The following PRKG1 variants were observed in gnomAD, a reference collection of about 807,000 sequenced individuals.
PRKG1 encodes protein kinase cGMP-dependent 1.
A neutral mutation model predicts 88.1 loss-of-function variants in PRKG1; 35 were observed. That is an observed-to-expected ratio of 0.40 (90% confidence interval 0.30 to 0.53). PRKG1 has a LOEUF of 0.53. PRKG1 is among the 20% of genes least tolerant of loss of function. The probability of loss-of-function intolerance (pLI) is 0.59; values close to 1 mark genes in which losing one functional copy is unlikely to be tolerated. For synonymous variants in PRKG1, 303 were observed against 292.5 expected, an observed-to-expected ratio of 1.04 and a Z score of -0.37; for missense variants, 540 against 839.8, an observed-to-expected ratio of 0.64 and a Z score of 4.41.
chr10:52,168,173 C>T (rs1229168546), intron 9 of PRKG1, among the ~76,000 whole-genome samples: 2 of 152,098 alleles, frequency 1.3e-5, no homozygotes, highest in Non-Finnish European at 2.9e-5. Flanking sequence ...AGCTTATGGT[C>T]CAGTGGGGGA....
intron 3 of PRKG1, among the ~76,000 whole-genome samples, chr10:51,576,211 A>G (rs904147493): frequency 2.0e-5 from 3 of 151,966 alleles, no homozygotes; most frequent in African/African-American, 7.2e-5. Context: ...CTCAACCACT[A>G]TATTACAAAT....
chr10:52,202,381 C>T (rs1589696213), intron 9 of PRKG1, among the ~76,000 whole-genome samples: 1 of 152,258 alleles, frequency 6.6e-6, no homozygotes, highest in East Asian at 1.9e-4. Context: ...ATCCTTGCAT[C>T]CCCGTGATAA....
At chr10:50,999,181 T>C (rs1465960182) in intron 1 of PRKG1, among the ~76,000 whole-genome samples, 1 of 152,226 alleles carries the variant, frequency 6.6e-6, no homozygotes, top group African/African-American at 2.4e-5. Flanking sequence ...TTCAACCTTT[T>C]TCTAGTACAT....
intron 9 of PRKG1, among the ~76,000 whole-genome samples, chr10:52,173,389 C>A (rs1311328103): frequency 6.6e-6 from 1 of 152,014 alleles, no homozygotes; most frequent in East Asian, 1.9e-4. Context: ...CAATAAAATG[C>A]CATTAGAAAA....
intron 2 of PRKG1, among the ~76,000 whole-genome samples, chr10:51,351,755 C>A (rs1321829734): frequency 6.6e-6 from 1 of 152,110 alleles, no homozygotes; most frequent in East Asian, 1.9e-4. Context: ...AATTAGATCC[C>A]AGTTTTCAAT....
chr10:51,821,814 G>T (rs1337807456), intron 4 of PRKG1, among the ~76,000 whole-genome samples: 1 of 151,982 alleles, frequency 6.6e-6, no homozygotes, highest in Non-Finnish European at 1.5e-5. Flanking sequence ...TCATGCATAT[G>T]GTCAGTTGAT....
At position 52,087,717 on chromosome 10, in the gene PRKG1, A is replaced by G. The variant is rs187011407; in HGVS notation, c.935+25086A>G. Among the ~76,000 whole-genome samples, 276 of 152,322 alleles carry G rather than the reference A, an allele frequency of 1.8e-3. 2 individuals carry two copies. The highest frequency in any genetic ancestry group is 4.6e-4 in the Non-Finnish European group (31 of 68,026). On this transcript the variant is annotated intron_variant, in intron 7 of 17. Transcript: ENST00000373980. ...AGCTACATTTATGCCACTAAATTGC[A>G]TCTGGCAACCAAGAACAGAGTGAAT...
chr10:51,676,580 A>T (rs1048062847), intron 3 of PRKG1, among the ~76,000 whole-genome samples: 1 of 152,178 alleles, frequency 6.6e-6, no homozygotes, highest in Non-Finnish European at 1.5e-5. Context: ...AATCAGCAGC[A>T]TTCTTTTATT....
In PRKG1 at chr10:50,991,247, C is replaced by G. The variant is rs1842777177; in HGVS notation, c.-132C>G. 1.1e-5 allele frequency: 15 copies of G among 1,327,602 alleles called. No homozygotes were observed. Among genetic ancestry groups the G allele is most frequent in the Non-Finnish European group, 1.5e-5 (15 of 1,005,036 alleles). 82.2% of individuals were successfully genotyped at this position (1,327,602 alleles called of 1,614,324 possible). ...GCCGCATTAGGGGCGCACTCCGCCG[C>G]GCTCGAGTACTTAGCGCCCATTCAC... On this transcript the variant is annotated 5_prime_UTR_variant, in exon 1 of 18. Transcript: ENST00000401604. This position sits in a 1 kb window ranked among gnomAD's most constrained non-coding sequence, Gnocchi z 4.5.
At chr10:51,958,844 A>C (rs1843377680) in intron 5 of PRKG1, among the ~76,000 whole-genome samples, 1 of 152,122 alleles carries the variant, frequency 6.6e-6, no homozygotes, top group African/African-American at 2.4e-5. Flanking sequence ...ACATAAAGTC[A>C]AACAATGTTA....
chr10:51,293,102 T>C (rs955735602), intron 2 of PRKG1, among the ~76,000 whole-genome samples: 1 of 152,134 alleles, frequency 6.6e-6, no homozygotes, highest in African/African-American at 2.4e-5. Context: ...ATTTAAATTA[T>C]ACAACTTGAA....
intron 4 of PRKG1, among the ~76,000 whole-genome samples, chr10:51,842,149 C>A (rs924516583): frequency 2.6e-4 from 39 of 152,266 alleles, no homozygotes; most frequent in African/African-American, 9.2e-4. Context: ...CATACTTGTC[C>A]TATGGGCTTT....
intron 5 of PRKG1, among the ~76,000 whole-genome samples, chr10:51,921,713 G>A (rs571792807): frequency 6.6e-6 from 1 of 152,090 alleles, no homozygotes; most frequent in Admixed American, 6.6e-5. Flanking sequence ...CTGGATTACA[G>A]TAATTGATTT....
At chr10:51,182,432 A>G (rs1837371641) in intron 2 of PRKG1, among the ~76,000 whole-genome samples, 1 of 152,188 alleles carries the variant, frequency 6.6e-6, no homozygotes, top group South Asian at 2.1e-4. Flanking sequence ...TATCCATTTT[A>G]CTGTAGCCAC....
chr10:51,654,519 G>T (rs191396513), intron 3 of PRKG1, among the ~76,000 whole-genome samples: 1 of 151,840 alleles, frequency 6.6e-6, no homozygotes, highest in African/African-American at 2.4e-5. Flanking sequence ...GTCTTCTATG[G>T]TTTTTTATTA....
chr10:52,100,815 A>C (rs1345335807), intron 7 of PRKG1, among the ~76,000 whole-genome samples: 1 of 152,182 alleles, frequency 6.6e-6, no homozygotes, highest in Non-Finnish European at 1.5e-5. Flanking sequence ...TATCTGCTTT[A>C]TTACTAACTG....
At chr10:51,077,097 A>G (rs1843972331) in intron 1 of PRKG1, among the ~76,000 whole-genome samples, 2 of 152,260 alleles carry the variant, frequency 1.3e-5, no homozygotes, top group East Asian at 3.8e-4. Context: ...GGAAAAAAGA[A>G]GTACATTGTA....
intron 5 of PRKG1, among the ~76,000 whole-genome samples, chr10:51,955,598 A>G (rs1018316815): frequency 6.6e-6 from 1 of 152,170 alleles, no homozygotes; most frequent in African/African-American, 2.4e-5. Context: ...TATTATGATG[A>G]ATAGTTTTTT....
At chr10:51,582,479 C>T (rs1031375795) in intron 3 of PRKG1, among the ~76,000 whole-genome samples, 11 of 151,926 alleles carry the variant, frequency 7.2e-5, no homozygotes, top group African/African-American at 2.7e-4. Context: ...CTTCCCTCCA[C>T]CCACCCTCCC....
Sources: gnomAD v4.1 joint callset for allele counts (sites outside exome capture counted in the v4.1 genomes callset) on GRCh38, gnomAD v4.1.1 for gene constraint, Gnocchi (gnomAD v3.1) non-coding constraint, MANE v1.5 for transcripts, NCBI Gene and HGNC (gene_info 2026-07-23, HGNC 2026-07-21) for gene names.